The following SBNO2 variants were observed in gnomAD, a reference collection of about 807,000 sequenced individuals.
The protein encoded by SBNO2 is strawberry notch homolog 2, also known as protein strawberry notch homolog 2.
SBNO2 carries 89 observed loss-of-function variants against 146.3 expected under a neutral mutation model. The ratio of observed to expected loss-of-function variants is 0.61; its 90% CI spans 0.51 to 0.73. SBNO2 has a LOEUF of 0.73. Among genes scored for constraint, SBNO2 ranks in the 30% least tolerant of loss-of-function variants. The pLI is 0.00. For missense variants in SBNO2, 2,092 were observed against 2,003.7 expected (o/e 1.04, Z -0.84); for synonymous variants, 1,147 against 892.6 (o/e 1.29, Z -5.08).
chr19:1,122,758 C>A lies in SBNO2; in HGVS notation c.814G>T (p.Ala272Ser). Residue 272 changes from alanine (A) to serine (S), a missense_variant, in exon 9 of 32, where the codon GCG (alanine) becomes TCG (serine). Coordinates refer to ENST00000361757, the MANE Select transcript of SBNO2 (RefSeq NM_014963.3). The stretch of plus-strand genomic sequence containing the variant: ...GCCCCATCGCCGATGAGAAAGCCCG[C>A]GCGCTGCCCGCTGGGGAGCAGGACC... ...HEVLLPSGQR[A>S]GFLIGDGAGV... is the part of the protein sequence containing the mutation. 1 of 1,537,564 alleles carries A rather than the reference C, an allele frequency of 6.5e-7. No homozygotes were observed. The highest frequency in any genetic ancestry group is 8.7e-7 in the Non-Finnish European group (1 of 1,146,522).
Position 1,158,311 on chromosome 19 carries a change from G to A in SBNO2, c.-126-3909C>T, listed in dbSNP as rs781516449. ...GTCCTCGGAGCCCGGTTCTCCTGCCGTCCTCTCGCCGAGCAGGGTTGTGAC... is the reference window on the plus strand; with the variant it reads ...GTCCTCGGAGCCCGGTTCTCCTGCCATCCTCTCGCCGAGCAGGGTTGTGAC... On this transcript the variant is annotated intron_variant, in intron 1 of 31. Transcript: ENST00000361757. This position sits in a 1 kb window ranked among gnomAD's most constrained non-coding sequence, Gnocchi z 9.9. Among the ~76,000 whole-genome samples the A allele has an allele frequency of 2.6e-5, 4 of 152,074 alleles. No homozygotes were observed. Among genetic ancestry groups the A allele is most frequent in the Non-Finnish European group, 5.9e-5 (4 of 67,998 alleles).
intron 4 of SBNO2, among the ~76,000 whole-genome samples, chr19:1,141,912 C>T (rs1019217504): frequency 5.9e-5 from 9 of 152,076 alleles, no homozygotes; most frequent in African/African-American, 2.2e-4. Context: ...CGTGAGCCAC[C>T]GTGCCCAGTC....
Position 1,115,935 on chromosome 19 carries a change from G to A in SBNO2, c.1885+86C>T, listed in dbSNP as rs78208270. 13 of 1,090,332 alleles carry A rather than the reference G, an allele frequency of 1.2e-5. No individual in the cohort carries two copies. The Admixed American group carries it at 2.2e-4, about 18-fold the overall frequency. The allele number at this position is 1,090,332 out of a possible 1,614,324, so 67.5% of individuals were successfully genotyped here. A position where few individuals can be genotyped will look rare whatever the true frequency, so the allele number is the denominator to read the frequency against. ...CATTTGGCTGAGTGGACGGGGGAGTGGGGGAAGCAGGGAGCGACCAGCCAG... is the reference window on the plus strand; with the variant it reads ...CATTTGGCTGAGTGGACGGGGGAGTAGGGGAAGCAGGGAGCGACCAGCCAG... On this transcript the variant is annotated intron_variant, in intron 17 of 31. Transcript: ENST00000361757.
rs946995256 is a variant in SBNO2 at position 1,173,780 on chromosome 19, G to A, written c.-127+392C>T. 2.6e-5 allele frequency: 4 copies of A among 152,544 alleles called. No homozygotes were observed. The highest frequency in any genetic ancestry group is 7.2e-5 in the African/African-American group (3 of 41,422). The allele number at this position is 152,544 out of a possible 1,614,324, so 9.4% of individuals were successfully genotyped here. A position where few individuals can be genotyped will look rare whatever the true frequency, so the allele number is the denominator to read the frequency against. ...GCTCGGGGGCACCGATGAGTGCGGG[G>A]TCAAGGGTTACCAGAAAACGAAAGG... On this transcript the variant is annotated intron_variant, in intron 1 of 31. Coordinates refer to ENST00000361757, the MANE Select transcript of SBNO2 (RefSeq NM_014963.3). The surrounding 1 kb of genome is among the most constrained non-coding windows in gnomAD (Gnocchi z 4.7).
chr19:1,114,545 CCT>C, intron 17 of SBNO2, 123 bp from the exon 18 acceptor site: 1 of 797,856 alleles, frequency 1.3e-6, no homozygotes, highest in Non-Finnish European at 1.8e-6. Flanking sequence ...CCGAGAACCC[CCT>C]GCCTCTGGGC....
At position 1,116,809 on chromosome 19, in the gene SBNO2, G is replaced by C; in HGVS notation, c.1802+20C>G. Reference sequence around the variant, plus strand: ...ATGAGCGCAGGAAGCCCACAGTCCTGTCCCCACCGTGACACTTACTCAGCG... The same window carrying C: ...ATGAGCGCAGGAAGCCCACAGTCCTCTCCCCACCGTGACACTTACTCAGCG... On this transcript the variant is annotated intron_variant, in intron 16 of 31. Transcript: ENST00000361757. 6.4e-7 allele frequency: 1 copy of C among 1,563,010 alleles called. No homozygotes were observed. Among genetic ancestry groups the C allele is most frequent in the African/African-American group, 1.4e-5 (1 of 73,810 alleles).
At chr19:1,113,921 C>T (rs2079799396) in intron 18 of SBNO2, among the ~76,000 whole-genome samples, 1 of 152,214 alleles carries the variant, frequency 6.6e-6, no homozygotes. Flanking sequence ...CTGTCGCGGA[C>T]CAAACACTGT....
chr19:1,127,536 T>C (rs761571634), intron 5 of SBNO2, 68 bp downstream of exon 5: 44 of 1,466,574 alleles, frequency 3.0e-5, no homozygotes, highest in Non-Finnish European at 3.8e-5. Flanking sequence ...CACTGGACCG[T>C]GTGGGTCCCG....
chr19:1,131,811 C>A (rs2145254051), intron 4 of SBNO2, among the ~76,000 whole-genome samples: 1 of 152,358 alleles, frequency 6.6e-6, no homozygotes, highest in South Asian at 2.1e-4. Flanking sequence ...AGGGCTGAGC[C>A]CGACCCCCCC....
At chr19:1,147,822 G>A (rs1321898191) in intron 3 of SBNO2, among the ~76,000 whole-genome samples, 1 of 152,050 alleles carries the variant, frequency 6.6e-6, no homozygotes, top group Non-Finnish European at 1.5e-5. Context: ...CCGCCTCGAA[G>A]GAGGAGAGCG....
rs149674741 is a variant in SBNO2, at chr19:1,160,081, C to T, written c.-126-5679G>A. On this transcript the variant is annotated intron_variant, in intron 1 of 31. Coordinates refer to ENST00000361757, the MANE Select transcript of SBNO2 (RefSeq NM_014963.3). ...CGCACCACCCTCTCACACGTTCCAC[C>T]CCAGGGGCAGCACCCGCCCTCTGGC... 1.1e-3 allele frequency among the ~76,000 whole-genome samples: 163 copies of T among 152,270 alleles called. No homozygotes were observed. In the East Asian group the frequency reaches 0.02, roughly 19 times the overall value.
chr19:1,115,573 G>A (rs371619027), intron 17 of SBNO2: 3 of 183,886 alleles, frequency 1.6e-5, no homozygotes, highest in East Asian at 1.6e-4. Flanking sequence ...CATATCCAAC[G>A]TCCTTTCAGG....
chr19:1,123,518 C>T lies in SBNO2; in HGVS notation c.628+16G>A, dbSNP rs1333891250. The T allele has an allele frequency of 8.1e-6, 13 of 1,607,982 alleles. No homozygotes were observed. Among genetic ancestry groups the T allele is most frequent in the Admixed American group, 1.7e-5 (1 of 59,964 alleles). On this transcript the variant is annotated intron_variant, in intron 7 of 31. Coordinates refer to ENST00000361757, the MANE Select transcript of SBNO2 (RefSeq NM_014963.3). ...TTTGAACCTGTCCCAGGGCTGGGTG[C>T]AGCCGGGCCACTCACACTTGGACGG...
chr19:1,123,598 A>G lies in SBNO2; in HGVS notation c.564T>C (p.Ala188=), dbSNP rs1359458068. 1 of 1,613,086 alleles carries G rather than the reference A, an allele frequency of 6.2e-7. No homozygotes were observed. The highest frequency in any genetic ancestry group is 8.5e-7 in the Non-Finnish European group (1 of 1,179,710). ...VQSQPEEEDE[A]EEEEAEELGH... is the part of the protein sequence containing the mutation. ...CCAGCTCCTCCGCCTCCTCCTCCTC[A>G]GCCTCGTCCTCCTCCTCTGGCTGGC... The change falls in exon 7 of 32, where the codon GCT becomes GCC. Residue 188 remains alanine (A), a synonymous_variant. Coordinates refer to ENST00000361757, the MANE Select transcript of SBNO2 (RefSeq NM_014963.3).
Position 1,108,723 on chromosome 19 carries a change from G to T in SBNO2, c.3617-19C>A. On this transcript the variant is annotated intron_variant, in intron 31 of 31. Coordinates refer to ENST00000361757, the MANE Select transcript of SBNO2 (RefSeq NM_014963.3). ...TTGATGCCTGCGGGCAGAGCGTCGGGGTCAGGGCCGGCGCTGGGGGCTCGG... is the reference window on the plus strand; with the variant it reads ...TTGATGCCTGCGGGCAGAGCGTCGGTGTCAGGGCCGGCGCTGGGGGCTCGG... The T allele has an allele frequency of 6.4e-7, 1 of 1,570,606 alleles. No homozygotes were observed. The highest frequency in any genetic ancestry group is 8.6e-7 in the Non-Finnish European group (1 of 1,166,158).
At chr19:1,116,209 A>C in intron 16 of SBNO2, 106 bp from the exon 17 acceptor site, 1 of 1,011,558 alleles carries the variant, frequency 9.9e-7, no homozygotes, top group Non-Finnish European at 1.5e-6. Context: ...GGTCCCGGAC[A>C]GGACCGGGCC....
intron 19 of SBNO2, 132 bp downstream of exon 19, chr19:1,113,403 G>A (rs895285151): frequency 1.6e-5 from 13 of 833,318 alleles, no homozygotes; most frequent in Non-Finnish European, 1.2e-5. Context: ...CTCCCCAAAC[G>A]CCCCCTCCTC....
rs2079829878 is a variant in SBNO2, at chr19:1,116,171, G to A, written c.1803-68C>T. ...GGCCAGGCGGGGTTGCTCTCCAGGA[G>A]CTGGACGCACCCCTGGGTCCCTGTG... On this transcript the variant is annotated intron_variant, in intron 16 of 31. Transcript: ENST00000361757. 9 of 1,452,518 alleles carry A rather than the reference G, an allele frequency of 6.2e-6. No homozygotes were observed. In the Admixed American group the frequency reaches 1.7e-4, roughly 27 times the overall value. 90.0% of individuals were successfully genotyped at this position (1,452,518 alleles called of 1,614,324 possible).
At position 1,129,563 on chromosome 19, in the gene SBNO2, G is replaced by A. The variant is rs1350186195; in HGVS notation, c.280-1798C>T. ...CCCAGAGCCTCTGGAGGCCCCGATC[G>A]GCAGGGTTGGGGAGCATTCATCCCA... On this transcript the variant is annotated intron_variant, in intron 4 of 31. Coordinates refer to ENST00000361757, the MANE Select transcript of SBNO2 (RefSeq NM_014963.3). Among the ~76,000 whole-genome samples, 7 of 152,146 alleles carry A rather than the reference G, an allele frequency of 4.6e-5. No individual in the cohort carries two copies. The East Asian group carries it at 5.8e-4, about 13-fold the overall frequency.
Sources: allele counts gnomAD v4.1 joint callset (sites outside exome capture counted in the v4.1 genomes callset), GRCh38; gene constraint gnomAD v4.1.1; non-coding constraint Gnocchi (gnomAD v3.1); transcripts MANE v1.5; gene names NCBI Gene and HGNC (gene_info 2026-07-23, HGNC 2026-07-21).